Variants in RBFOX1 observed in about 807,000 individuals in gnomAD.
The protein encoded by RBFOX1 is RNA binding fox-1 homolog 1.
A neutral mutation model predicts 57.7 loss-of-function variants in RBFOX1; 8 were observed. The ratio of observed to expected loss-of-function variants is 0.14; its 90% CI spans 0.08 to 0.25. The LOEUF is 0.25. Ranked by LOEUF, RBFOX1 falls within the 10% of genes least tolerant of loss-of-function variation. The pLI is 1.00. For missense variants in RBFOX1, 611 were observed against 548.5 expected (o/e 1.11, Z -1.14); for synonymous variants, 326 against 222.4 (o/e 1.47, Z -4.15).
intron 3 of RBFOX1, among the ~76,000 whole-genome samples, chr16:6,825,019 C>CGGCGTCT (rs2091937866): frequency 2.4e-5 from 1 of 41,494 alleles, no homozygotes; most frequent in Non-Finnish European, 6.0e-5. Context: ...TTTTTTGAGA[C>CGGCGTCT]GGCGTCTGGC....
At chr16:7,140,559 T>C (rs1004294299) in intron 4 of RBFOX1, among the ~76,000 whole-genome samples, 1 of 152,160 alleles carries the variant, frequency 6.6e-6, no homozygotes, top group African/African-American at 2.4e-5. Flanking sequence ...AATGAATGCA[T>C]TGATGAATTT....
At chr16:6,720,113 A>G (rs543317031) in intron 3 of RBFOX1, among the ~76,000 whole-genome samples, 78 of 152,214 alleles carry the variant, frequency 5.1e-4, no homozygotes, top group African/African-American at 1.8e-3. Flanking sequence ...AAATAAATAA[A>G]TAAATAAATA....
At chr16:7,254,083 A>G (rs2094585265) in intron 4 of RBFOX1, among the ~76,000 whole-genome samples, 1 of 152,162 alleles carries the variant, frequency 6.6e-6, no homozygotes, top group Non-Finnish European at 1.5e-5. Context: ...TGTTGTGCTA[A>G]GAATGCCCTT....
intron 1 of RBFOX1, among the ~76,000 whole-genome samples, chr16:5,434,317 C>CATTTTTTTTT (rs2067847478): frequency 1.3e-5 from 1 of 79,734 alleles, no homozygotes; most frequent in Admixed American, 1.9e-4. Context: ...TGCTGAAGTC[C>CATTTTTTTTT]TTTTTTTTTT....
intron 4 of RBFOX1, among the ~76,000 whole-genome samples, chr16:5,965,950 C>T (rs2059834928): frequency 6.6e-6 from 1 of 152,160 alleles, no homozygotes; most frequent in Non-Finnish European, 1.5e-5. Context: ...ATGTTATCCA[C>T]CTGGCTGTGA....
intron 4 of RBFOX1, among the ~76,000 whole-genome samples, chr16:7,235,540 T>C (rs531464059): frequency 4.6e-5 from 7 of 152,218 alleles, no homozygotes; most frequent in Non-Finnish European, 4.4e-5. Flanking sequence ...TCATCGCTTA[T>C]GTACATTGAA....
intron 1 of RBFOX1, among the ~76,000 whole-genome samples, chr16:6,309,462 G>T (rs1433879330): frequency 3.9e-5 from 6 of 152,176 alleles, no homozygotes; most frequent in Non-Finnish European, 8.8e-5. Flanking sequence ...TTCATTTACA[G>T]TTAGGCACTG....
At chr16:5,555,043 A>G (rs2045616365) in intron 2 of RBFOX1, among the ~76,000 whole-genome samples, 1 of 152,100 alleles carries the variant, frequency 6.6e-6, no homozygotes, top group Admixed American at 6.5e-5. Flanking sequence ...ATCCCAGAAG[A>G]GAGAAGTTTT....
At chr16:5,802,156 C>G (rs1185610017) in intron 3 of RBFOX1, among the ~76,000 whole-genome samples, 2 of 152,146 alleles carry the variant, frequency 1.3e-5, no homozygotes, top group African/African-American at 2.4e-5. Context: ...ACTCCCCTTA[C>G]TCCATGCCCT....
At chr16:5,782,904 C>T (rs867266343) in intron 3 of RBFOX1, among the ~76,000 whole-genome samples, 6 of 152,138 alleles carry the variant, frequency 3.9e-5, no homozygotes, top group African/African-American at 1.2e-4. Context: ...GGGTGAATTC[C>T]TCTTTCCTCT....
At chr16:5,627,717 C>T (rs1440888374) in intron 3 of RBFOX1, among the ~76,000 whole-genome samples, 4 of 152,016 alleles carry the variant, frequency 2.6e-5, no homozygotes, top group Non-Finnish European at 5.9e-5. Flanking sequence ...AAAAATAATA[C>T]AAATAAAAAA....
At chr16:6,869,927 A>C (rs993413656) in intron 3 of RBFOX1, among the ~76,000 whole-genome samples, 2 of 152,170 alleles carry the variant, frequency 1.3e-5, no homozygotes, top group African/African-American at 4.8e-5. Flanking sequence ...TACTTATATC[A>C]TCTCAGCGTC....
intron 5 of RBFOX1, among the ~76,000 whole-genome samples, chr16:7,574,748 C>T (rs956474002): frequency 1.3e-5 from 2 of 152,126 alleles, no homozygotes; most frequent in Non-Finnish European, 2.9e-5. Flanking sequence ...ACACCCAGGA[C>T]CAATACTTTG....
intron 12 of RBFOX1, among the ~76,000 whole-genome samples, chr16:7,663,233 C>T (rs1222117234): frequency 1.3e-5 from 2 of 152,216 alleles, no homozygotes; most frequent in Middle Eastern, 3.2e-3. Flanking sequence ...GAATTCAAAG[C>T]ATAGCTCAGG....
At chr16:5,302,279 T>C (rs2063824444) in intron 1 of RBFOX1, among the ~76,000 whole-genome samples, 1 of 152,208 alleles carries the variant, frequency 6.6e-6, no homozygotes, top group African/African-American at 2.4e-5. Context: ...AATTAAATAC[T>C]GTTGTCAGAG....
intron 4 of RBFOX1, among the ~76,000 whole-genome samples, chr16:7,335,927 C>G (rs1223769461): frequency 1.3e-5 from 2 of 152,188 alleles, no homozygotes; most frequent in Non-Finnish European, 2.9e-5. Context: ...CTGAACCTGT[C>G]TGGACTGTCT....
chr16:7,694,963 G>A (rs1381478953), intron 14 of RBFOX1, among the ~76,000 whole-genome samples: 1 of 152,146 alleles, frequency 6.6e-6, no homozygotes, highest in Admixed American at 6.5e-5. Context: ...ACATGAAAAA[G>A]ATATTGATTT....
chr16:5,763,787 C>G (rs1391171041), intron 3 of RBFOX1, among the ~76,000 whole-genome samples: 3 of 152,238 alleles, frequency 2.0e-5, no homozygotes, highest in African/African-American at 7.2e-5. Context: ...CACTTCCTTT[C>G]TCATTGAAGC....
chr16:6,575,761 G>A (rs1031125770), intron 2 of RBFOX1, among the ~76,000 whole-genome samples: 56 of 151,624 alleles, frequency 3.7e-4, no homozygotes, highest in African/African-American at 1.3e-3. Context: ...GGAGGCTGAG[G>A]CAGGAGAATC....
Sources: allele counts gnomAD v4.1 joint callset (sites outside exome capture counted in the v4.1 genomes callset), GRCh38; gene constraint gnomAD v4.1.1; transcripts MANE v1.5; gene names NCBI Gene and HGNC (gene_info 2026-07-23, HGNC 2026-07-21).